MICU3: variants seen among roughly 807,000 people sequenced by gnomAD.
MICU3 encodes the protein calcium uptake protein 3, mitochondrial.
MICU3 carries 62 observed loss-of-function variants against 66.5 expected under a neutral mutation model. The observed-to-expected ratio is 0.93, with a 90% CI of 0.76 to 1.15. MICU3 has a LOEUF of 1.15. MICU3 is among the 50% of genes most tolerant of loss of function. MICU3 has a pLI of 0.00. For missense variants in MICU3, 779 were observed against 664.4 expected (o/e 1.17, Z -1.90); for synonymous variants, 308 against 240.7 (o/e 1.28, Z -2.59).
At chr8:17,135,567 A>T in the MICU3 span, among the ~76,000 whole-genome samples, 1 of 152,004 alleles carries the variant, frequency 6.6e-6, no homozygotes, top group African/African-American at 2.4e-5. Context: ...TTACATGCAA[A>T]CTAAGGCAAA....
intron 9 of MICU3, among the ~76,000 whole-genome samples, chr8:17,103,866 C>T (rs1801495223): frequency 6.6e-6 from 1 of 151,846 alleles, no homozygotes; most frequent in East Asian, 1.9e-4. Flanking sequence ...ATACAGTATC[C>T]ATTTAAAGTA....
At chr8:17,080,452 A>T (rs1219021272) in intron 4 of MICU3, among the ~76,000 whole-genome samples, 6 of 152,136 alleles carry the variant, frequency 3.9e-5, no homozygotes, top group African/African-American at 1.4e-4. Context: ...TGTGTATTCT[A>T]CCAGGTCAAC....
At chr8:17,031,082 GT>G (rs1290841034) in intron 1 of MICU3, among the ~76,000 whole-genome samples, 1 of 151,812 alleles carries the variant, frequency 6.6e-6, no homozygotes, top group African/African-American at 2.4e-5. Context: ...TACTATTTTA[GT>G]GGCATGTGCT....
intron 11 of MICU3, among the ~76,000 whole-genome samples, chr8:17,106,415 G>T (rs1158826227): frequency 1.3e-5 from 2 of 150,002 alleles, no homozygotes; most frequent in African/African-American, 4.9e-5. Flanking sequence ...AGTACTTTTT[G>T]TCTGTTGTAC....
the MICU3 span, among the ~76,000 whole-genome samples, chr8:17,135,377 A>G: frequency 3.4e-4 from 52 of 151,436 alleles, no homozygotes; most frequent in Admixed American, 3.5e-3. Flanking sequence ...CAGCCTGGGC[A>G]GCAGAGCAAG....
chr8:17,099,125 C>T (rs943348864), intron 9 of MICU3, among the ~76,000 whole-genome samples: 8 of 151,720 alleles, frequency 5.3e-5, no homozygotes, highest in Non-Finnish European at 3.0e-5. Flanking sequence ...CGTACTGCTG[C>T]ATCGGAGTGG....
chr8:17,125,791 G>C (rs1334220413), downstream of MICU3, among the ~76,000 whole-genome samples: 2 of 152,012 alleles, frequency 1.3e-5, no homozygotes, highest in Non-Finnish European at 2.9e-5. Context: ...CCAGTACTTT[G>C]GGATGCTGAG....
At chr8:17,104,582 T>G (rs902026665) in intron 10 of MICU3, 91 bp downstream of exon 10, 3 of 540,642 alleles carry the variant, frequency 5.5e-6, no homozygotes, top group Non-Finnish European at 9.0e-6. Context: ...AATACTCACC[T>G]CTTTGTTACT....
intron 1 of MICU3, among the ~76,000 whole-genome samples, chr8:17,036,719 C>T (rs994377009): frequency 1.3e-5 from 2 of 152,230 alleles, no homozygotes; most frequent in African/African-American, 2.4e-5. Context: ...AGACTCTCCA[C>T]GTCCCCACCA....
the MICU3 span, among the ~76,000 whole-genome samples, chr8:17,130,540 C>A: frequency 1.3e-5 from 2 of 151,702 alleles, no homozygotes; most frequent in African/African-American, 4.8e-5. Context: ...AAGAAAAAGG[C>A]AATTGACTCT....
chr8:17,113,368 C>G (rs1802383661), intron 11 of MICU3, among the ~76,000 whole-genome samples: 1 of 152,204 alleles, frequency 6.6e-6, no homozygotes, highest in Non-Finnish European at 1.5e-5. Flanking sequence ...CTCTAAGATA[C>G]ATTGTACTTA....
downstream of MICU3, among the ~76,000 whole-genome samples, chr8:17,123,041 T>C (rs1803297407): frequency 6.6e-6 from 1 of 152,060 alleles, no homozygotes; most frequent in Non-Finnish European, 1.5e-5. Context: ...TTTTAAAATA[T>C]AATGCTTTTA....
At chr8:17,096,500 G>A (rs1466817586) in intron 8 of MICU3, among the ~76,000 whole-genome samples, 1 of 151,862 alleles carries the variant, frequency 6.6e-6, no homozygotes, top group Admixed American at 6.6e-5. Context: ...GAATCAGTGA[G>A]TGTGCCAGGC....
intron 8 of MICU3, 35 bp from the exon 9 acceptor site, chr8:17,098,423 T>G (rs748312612): frequency 1.6e-6 from 2 of 1,263,214 alleles, no homozygotes; most frequent in African/African-American, 2.9e-5. Context: ...TAACTATTCT[T>G]TAGATTTCAG....
chr8:17,102,561 A>T (rs1031630299), intron 9 of MICU3: 2 of 151,944 alleles, frequency 1.3e-5, no homozygotes, highest in Non-Finnish European at 2.9e-5. Context: ...ATTTTGTTCT[A>T]TTAGAGCAGG....
At chr8:17,093,594 AT>A (rs1800318183) in intron 8 of MICU3, among the ~76,000 whole-genome samples, 2 of 151,894 alleles carry the variant, frequency 1.3e-5, no homozygotes, top group Non-Finnish European at 2.9e-5. Flanking sequence ...ATTACAATAG[AT>A]TTGTTAACTT....
chr8:17,040,962 G>T (rs1161291828), intron 1 of MICU3, among the ~76,000 whole-genome samples: 4 of 152,162 alleles, frequency 2.6e-5, no homozygotes. Flanking sequence ...GAAAAAACAG[G>T]TTGGGAATAA....
At chr8:17,127,848 A>G in the MICU3 span, among the ~76,000 whole-genome samples, 1 of 150,848 alleles carries the variant, frequency 6.6e-6, no homozygotes, top group East Asian at 1.9e-4. Context: ...GTGTCCTGTG[A>G]TTTCTTCCCT....
At chr8:17,042,585 C>A (rs1385966673) in intron 1 of MICU3, among the ~76,000 whole-genome samples, 1 of 152,156 alleles carries the variant, frequency 6.6e-6, no homozygotes, top group Non-Finnish European at 1.5e-5. Flanking sequence ...AACTTCAGTG[C>A]TGAATTGTTT....
Sources: allele counts gnomAD v4.1 joint callset (sites outside exome capture counted in the v4.1 genomes callset), GRCh38; gene constraint gnomAD v4.1.1; transcripts MANE v1.5; gene names NCBI Gene and HGNC (gene_info 2026-07-23, HGNC 2026-07-21).